Variants in CADPS2 observed in about 807,000 individuals in gnomAD.
The protein encoded by CADPS2 is calcium-dependent secretion activator 2.
A neutral mutation model predicts 172.5 loss-of-function variants in CADPS2; 93 were observed. The observed-to-expected ratio is 0.54, with a 90% CI of 0.46 to 0.64. The LOEUF (loss-of-function observed/expected upper bound fraction) is 0.64, where lower values mean the gene tolerates loss of function less well. CADPS2 is among the 30% of genes least tolerant of loss of function. The pLI, the probability that CADPS2 is intolerant of heterozygous loss-of-function variation, is 0.00. For synonymous variants in CADPS2, 546 were observed against 555.2 expected, an observed-to-expected ratio of 0.98 and a Z score of 0.23; for missense variants, 1,420 against 1,565.9, an observed-to-expected ratio of 0.91 and a Z score of 1.57.
At chr7:122,658,225 A>C (rs2080056934) in intron 3 of CADPS2, among the ~76,000 whole-genome samples, 1 of 152,216 alleles carries the variant, frequency 6.6e-6, no homozygotes, top group African/African-American at 2.4e-5. Context: ...GCAATCATTA[A>C]AAAGTCAGGA....
chr7:122,448,856 C>CT (rs1042668191), intron 15 of CADPS2, among the ~76,000 whole-genome samples: 2 of 152,058 alleles, frequency 1.3e-5, no homozygotes, highest in African/African-American at 4.8e-5. Context: ...CTACGACTTC[C>CT]TTTGAACACT....
chr7:122,325,348 C>T (rs1374150453), intron 29 of CADPS2, 129 bp downstream of exon 29: 1 of 588,732 alleles, frequency 1.7e-6, no homozygotes, highest in Non-Finnish European at 3.0e-6. Context: ...TGGAAGTAAA[C>T]AGTAGCACAT....
chr7:122,391,357 G>C (rs956609439), intron 22 of CADPS2, among the ~76,000 whole-genome samples: 4 of 151,758 alleles, frequency 2.6e-5, no homozygotes, highest in Non-Finnish European at 5.9e-5. Flanking sequence ...CCCTCAATAA[G>C]GGATTCAGAG....
chr7:122,547,439 T>C (rs1160758159), intron 8 of CADPS2, among the ~76,000 whole-genome samples: 1 of 152,150 alleles, frequency 6.6e-6, no homozygotes, highest in African/African-American at 2.4e-5. Context: ...ATTAGATAAT[T>C]TGAAGTTAAT....
chr7:122,715,033 A>C (rs911395025), intron 2 of CADPS2, among the ~76,000 whole-genome samples: 5 of 152,126 alleles, frequency 3.3e-5, no homozygotes, highest in African/African-American at 1.2e-4. Context: ...TGATACCTTG[A>C]CTACAGACTT....
intron 3 of CADPS2, among the ~76,000 whole-genome samples, chr7:122,631,502 C>T (rs1373600882): frequency 1.3e-5 from 2 of 152,034 alleles, no homozygotes; most frequent in Admixed American, 1.3e-4. Context: ...TTGTCTTGAA[C>T]TCCTGGGCTC....
intron 25 of CADPS2, among the ~76,000 whole-genome samples, chr7:122,371,420 G>A (rs2151268906): frequency 6.6e-6 from 1 of 152,324 alleles, no homozygotes; most frequent in East Asian, 1.9e-4. Flanking sequence ...GATGGAGTGA[G>A]TGCAAGCAGG....
intron 13 of CADPS2, among the ~76,000 whole-genome samples, chr7:122,473,683 T>C (rs2152191028): frequency 6.6e-6 from 1 of 152,300 alleles, no homozygotes; most frequent in Non-Finnish European, 1.5e-5. Flanking sequence ...ATGTAAATGC[T>C]TGGAAAAACA....
intron 17 of CADPS2, among the ~76,000 whole-genome samples, chr7:122,432,456 A>G (rs1426131012): frequency 6.6e-6 from 1 of 152,032 alleles, no homozygotes; most frequent in African/African-American, 2.4e-5. Flanking sequence ...CCTGGCCAAC[A>G]TGGTGAAACC....
chr7:122,616,677 G>T (rs1481277126), intron 5 of CADPS2, among the ~76,000 whole-genome samples: 1 of 152,040 alleles, frequency 6.6e-6, no homozygotes, highest in African/African-American at 2.4e-5. Context: ...AATTAATGGA[G>T]AATTGATAGA....
chr7:122,417,086 A>T (rs958673864), intron 17 of CADPS2, among the ~76,000 whole-genome samples: 1 of 151,462 alleles, frequency 6.6e-6, no homozygotes, highest in African/African-American at 2.4e-5. Flanking sequence ...CTTAAAGGGC[A>T]TTTTTTTTTC....
chr7:122,516,617 T>A (rs962049108), intron 8 of CADPS2, among the ~76,000 whole-genome samples: 8 of 152,040 alleles, frequency 5.3e-5, no homozygotes, highest in Admixed American at 3.9e-4. Context: ...AAAAACAATC[T>A]AAAAATCAAA....
At chr7:122,357,758 A>G (rs2039605099) in intron 27 of CADPS2, among the ~76,000 whole-genome samples, 1 of 152,166 alleles carries the variant, frequency 6.6e-6, no homozygotes, top group Non-Finnish European at 1.5e-5. Context: ...CAAATTGGCT[A>G]CTTTTGGCAA....
At chr7:122,854,820 A>G (rs989868782) in intron 1 of CADPS2, among the ~76,000 whole-genome samples, 2 of 152,240 alleles carry the variant, frequency 1.3e-5, no homozygotes, top group African/African-American at 4.8e-5. Context: ...CACTGACATG[A>G]AAACACTGTT....
chr7:122,548,949 G>A (rs2063910050), intron 8 of CADPS2, among the ~76,000 whole-genome samples: 1 of 152,158 alleles, frequency 6.6e-6, no homozygotes, highest in South Asian at 2.1e-4. Flanking sequence ...AAATAAAAAT[G>A]TAAATTAAAG....
At chr7:122,528,540 A>G (rs1472401472) in intron 8 of CADPS2, among the ~76,000 whole-genome samples, 1 of 152,172 alleles carries the variant, frequency 6.6e-6, no homozygotes, top group African/African-American at 2.4e-5. Flanking sequence ...TGAATAACTA[A>G]GTAAAGCCAG....
chr7:122,463,248 C>T (rs773192919), intron 14 of CADPS2, among the ~76,000 whole-genome samples: 1 of 152,066 alleles, frequency 6.6e-6, no homozygotes, highest in Non-Finnish European at 1.5e-5. Context: ...TCACACAGAT[C>T]ACATTCTCTG....
At chr7:122,779,946 T>C (rs1792245420) in intron 1 of CADPS2, among the ~76,000 whole-genome samples, 1 of 152,184 alleles carries the variant, frequency 6.6e-6, no homozygotes, top group African/African-American at 2.4e-5. Context: ...TGGGCATTTC[T>C]CTTATTCTCT....
chr7:122,365,930 C>T (rs907163276), intron 25 of CADPS2, among the ~76,000 whole-genome samples: 24 of 152,254 alleles, frequency 1.6e-4, no homozygotes, highest in African/African-American at 3.4e-4. Flanking sequence ...GGGTTCAAAA[C>T]GAACAGTTCT....
Sources: gnomAD v4.1 joint callset for allele counts (sites outside exome capture counted in the v4.1 genomes callset) on GRCh38, gnomAD v4.1.1 for gene constraint, MANE v1.5 for transcripts, NCBI Gene and HGNC (gene_info 2026-07-23, HGNC 2026-07-21) for gene names.